Variants in PCDH15 observed in about 807,000 individuals in gnomAD.
PCDH15 encodes the protein protocadherin related 15, also known as protocadherin-15.
PCDH15 carries 129 observed loss-of-function variants against 178.5 expected under a neutral mutation model. The ratio of observed to expected loss-of-function variants is 0.72; its 90% CI spans 0.63 to 0.84. The LOEUF is 0.84. Among genes scored for constraint, PCDH15 ranks in the 40% least tolerant of loss-of-function variants. PCDH15 has a pLI of 0.00. For missense variants in PCDH15, 2,230 were observed against 2,099.9 expected (o/e 1.06, Z -1.21); for synonymous variants, 800 against 732.0 (o/e 1.09, Z -1.50).
At chr10:54,142,755 ATTTTG>A (rs1180596168) in intron 14 of PCDH15, among the ~76,000 whole-genome samples, 1 of 152,118 alleles carries the variant, frequency 6.6e-6, no homozygotes, top group African/African-American at 2.4e-5. Flanking sequence ...CAAAGATACA[ATTTTG>A]TTTTCTCTTT....
chr10:53,950,615 C>A (rs2086945277), intron 23 of PCDH15, among the ~76,000 whole-genome samples: 1 of 152,124 alleles, frequency 6.6e-6, no homozygotes. Context: ...ATGATATTTA[C>A]TTTTAAAACT....
intron 2 of PCDH15, among the ~76,000 whole-genome samples, chr10:55,073,097 C>T (rs1841794972): frequency 6.6e-6 from 1 of 152,022 alleles, no homozygotes; most frequent in African/African-American, 2.4e-5. Context: ...TGGGACGTAT[C>T]TCAAAATAAT....
At chr10:55,354,968 C>A (rs531226829) in intron 2 of PCDH15, among the ~76,000 whole-genome samples, 9 of 152,100 alleles carry the variant, frequency 5.9e-5, no homozygotes, top group South Asian at 4.1e-4. Flanking sequence ...ATAATTTTAT[C>A]ATTTTGATAA....
intron 2 of PCDH15, among the ~76,000 whole-genome samples, chr10:55,474,300 T>G (rs904672239): frequency 1.3e-5 from 2 of 152,198 alleles, no homozygotes; most frequent in East Asian, 3.8e-4. Context: ...GAAGGAGTAC[T>G]GACACACTGA....
chr10:54,139,301 TA>T (rs147978777), intron 14 of PCDH15, among the ~76,000 whole-genome samples: 50 of 148,884 alleles, frequency 3.4e-4, no homozygotes, highest in South Asian at 8.5e-4. Flanking sequence ...CATCAGCTAT[TA>T]AAAAAAAAAG....
intron 2 of PCDH15, chr10:55,512,741 T>C (rs1025928078): frequency 3.0e-4 from 46 of 152,256 alleles, no homozygotes; most frequent in African/African-American, 9.6e-4. Context: ...GTATATCATA[T>C]TTCTTCAGAC....
At chr10:54,421,690 A>ATATG (rs1554963468) in intron 3 of PCDH15, among the ~76,000 whole-genome samples, 6 of 110,966 alleles carry the variant, frequency 5.4e-5, no homozygotes, top group African/African-American at 1.7e-4. Flanking sequence ...ATATATATAT[A>ATATG]TATACACACA....
chr10:55,488,278 C>G (rs1467864549), intron 2 of PCDH15, among the ~76,000 whole-genome samples: 1 of 151,450 alleles, frequency 6.6e-6, no homozygotes, highest in Non-Finnish European at 1.5e-5. Flanking sequence ...TTAAGATGTT[C>G]TTAGACGTGA....
intron 2 of PCDH15, among the ~76,000 whole-genome samples, chr10:55,448,328 A>G (rs1839361742): frequency 6.6e-6 from 1 of 152,002 alleles, no homozygotes; most frequent in Non-Finnish European, 1.5e-5. Flanking sequence ...ATCACTCTGT[A>G]ATAAATATCT....
intron 2 of PCDH15, among the ~76,000 whole-genome samples, chr10:54,566,568 G>A (rs577853664): frequency 6.6e-6 from 1 of 152,086 alleles, no homozygotes; most frequent in Non-Finnish European, 1.5e-5. Flanking sequence ...TTCACAGAAT[G>A]TCAAATAGGT....
intron 2 of PCDH15, among the ~76,000 whole-genome samples, chr10:55,359,957 G>C (rs550516503): frequency 2.6e-5 from 4 of 151,764 alleles, no homozygotes; most frequent in Admixed American, 1.3e-4. Flanking sequence ...TTTAAGCAGA[G>C]AGTAGAAAGG....
At chr10:54,700,374 G>A (rs1056616505) in intron 1 of PCDH15, among the ~76,000 whole-genome samples, 3 of 152,008 alleles carry the variant, frequency 2.0e-5, no homozygotes, top group African/African-American at 7.2e-5. Context: ...TGAAATGACC[G>A]AAATGCCAGA....
chr10:54,062,841 T>C (rs1055109922), intron 18 of PCDH15, among the ~76,000 whole-genome samples: 2 of 152,088 alleles, frequency 1.3e-5, no homozygotes, highest in African/African-American at 4.8e-5. Flanking sequence ...GATGTCTACT[T>C]GTGTGTTTTT....
chr10:54,840,181 C>T (rs1157035939), intron 3 of PCDH15, among the ~76,000 whole-genome samples: 2 of 151,906 alleles, frequency 1.3e-5, no homozygotes, highest in Non-Finnish European at 2.9e-5. Context: ...AATGACCGAG[C>T]ATGAATCAGT....
chr10:54,435,232 A>G (rs1251862158), intron 3 of PCDH15, among the ~76,000 whole-genome samples: 1 of 152,164 alleles, frequency 6.6e-6, no homozygotes, highest in Non-Finnish European at 1.5e-5. Flanking sequence ...GCCTTTTAAG[A>G]GGACTCTTTA....
intron 2 of PCDH15, among the ~76,000 whole-genome samples, chr10:55,333,307 G>A (rs1844263033): frequency 6.6e-6 from 1 of 152,118 alleles, no homozygotes; most frequent in African/African-American, 2.4e-5. Context: ...GGGAAATGTA[G>A]GGGAGAGAGG....
At chr10:55,414,770 GGTGTGTGTGTGTGTGTGTGTGTGT>G (rs71014486) in intron 2 of PCDH15, among the ~76,000 whole-genome samples, 1 of 146,868 alleles carries the variant, frequency 6.8e-6, no homozygotes, top group African/African-American at 2.5e-5. Context: ...TCTAACAAGG[GGTGTGTGTGTGTGTGTGTGTGTGT>G]GTGTGTGTGT....
intron 17 of PCDH15, among the ~76,000 whole-genome samples, chr10:54,069,385 C>A (rs1325598821): frequency 6.6e-6 from 1 of 152,128 alleles, no homozygotes; most frequent in East Asian, 1.9e-4. Context: ...AACCAGATCA[C>A]TAAGTAAACT....
chr10:54,833,125 C>A (rs921346655), intron 3 of PCDH15, among the ~76,000 whole-genome samples: 1 of 152,062 alleles, frequency 6.6e-6, no homozygotes, highest in East Asian at 1.9e-4. Flanking sequence ...TTTGATTCAC[C>A]TAACAATACC....
Sources: gnomAD v4.1 joint callset for allele counts (sites outside exome capture counted in the v4.1 genomes callset) on GRCh38, gnomAD v4.1.1 for gene constraint, MANE v1.5 for transcripts, NCBI Gene and HGNC (gene_info 2026-07-23, HGNC 2026-07-21) for gene names.